SHROOM4: variants seen among roughly 807,000 people sequenced by gnomAD.
SHROOM4 encodes protein Shroom4.
Under a neutral mutation model 80.3 loss-of-function variants are expected in SHROOM4, and 17 were observed. The ratio of observed to expected loss-of-function variants is 0.21; its 90% CI spans 0.14 to 0.32. The LOEUF (loss-of-function observed/expected upper bound fraction) is 0.32. Among genes scored for constraint, SHROOM4 ranks in the 10% least tolerant of loss-of-function variants. SHROOM4 has a pLI of 1.00. For synonymous variants in SHROOM4, 400 were observed against 437.5 expected, an observed-to-expected ratio of 0.91 and a Z score of 1.07; for missense variants, 993 against 1,140.3, an observed-to-expected ratio of 0.87 and a Z score of 1.86.
At chrX:50,794,996 TAAC>T (rs1170617824) in intron 1 of SHROOM4, among the ~76,000 whole-genome samples, 1 of 92,571 alleles carries the variant, frequency 1.1e-5, no homozygotes, top group African/African-American at 4.1e-5. Flanking sequence ...ATATGTTGGA[TAAC>T]AACATCTTTA....
intron 2 of SHROOM4, among the ~76,000 whole-genome samples, chrX:50,690,702 C>T (rs899400943): frequency 8.9e-6 from 1 of 112,754 alleles, no homozygotes; most frequent in Non-Finnish European, 1.9e-5. Flanking sequence ...CTTGGTGGCT[C>T]ATGCCTGTAA....
chrX:50,577,194 T>G, the SHROOM4 span, among the ~76,000 whole-genome samples: 13 of 112,813 alleles, frequency 1.2e-4, no homozygotes, highest in African/African-American at 4.2e-4. Flanking sequence ...ATATTTTCAC[T>G]GGACATAGAG....
At chrX:50,652,551 G>C (rs1299544670) in intron 2 of SHROOM4, among the ~76,000 whole-genome samples, 1 of 111,293 alleles carries the variant, frequency 9.0e-6, no homozygotes, top group Non-Finnish European at 1.9e-5. Flanking sequence ...AGTTTCTTTT[G>C]CTGTGCAGAA....
chrX:50,751,123 T>A (rs1322562683), intron 1 of SHROOM4, among the ~76,000 whole-genome samples: 1 of 112,110 alleles, frequency 8.9e-6, no homozygotes, highest in Non-Finnish European at 1.9e-5. Flanking sequence ...GTTAGGACAG[T>A]TAGTTTTGTC....
chrX:50,663,748 T>C (rs1004435974), intron 2 of SHROOM4, among the ~76,000 whole-genome samples: 1 of 111,246 alleles, frequency 9.0e-6, no homozygotes, highest in African/African-American at 3.3e-5. Flanking sequence ...TTTGCAAGCA[T>C]AGTGTTATGT....
In SHROOM4 at chrX:50,598,797, A is replaced by G. The variant is rs1306068686; in HGVS notation, c.3943-262T>C. Among the ~76,000 whole-genome samples the G allele has an allele frequency of 4.5e-5, 5 of 111,023 alleles. No individual in the cohort carries two copies. In the Admixed American group the frequency reaches 4.8e-4, roughly 11 times the overall value. On this transcript the variant is annotated intron_variant, in intron 7 of 8. Transcript: ENST00000376020. The stretch of plus-strand genomic sequence containing the variant: ...GGTATCCATGCACTAAACTTCATTT[A>G]CCAGATGCAACTTAATAAATACTTG...
intron 1 of SHROOM4, among the ~76,000 whole-genome samples, chrX:50,714,068 A>C (rs782521479): frequency 8.0e-5 from 9 of 111,970 alleles, no homozygotes; most frequent in African/African-American, 2.6e-4. Flanking sequence ...TTTATTGAAA[A>C]GGGTGTCCTT....
intron 3 of SHROOM4, among the ~76,000 whole-genome samples, chrX:50,637,114 G>A (rs1490221640): frequency 4.0e-4 from 45 of 111,774 alleles, no homozygotes; most frequent in African/African-American, 1.4e-3. Context: ...GAAGGGCTAG[G>A]ATCAGATGCA....
At chrX:50,727,592 G>A (rs1934269630) in intron 1 of SHROOM4, among the ~76,000 whole-genome samples, 1 of 111,782 alleles carries the variant, frequency 8.9e-6, no homozygotes, top group Admixed American at 9.5e-5. Flanking sequence ...GTTTTAAAGT[G>A]TAGCACTTCC....
intron 1 of SHROOM4, among the ~76,000 whole-genome samples, chrX:50,763,850 C>A (rs57387606): frequency 0.059 from 6,555 of 110,879 alleles, 511 homozygotes; most frequent in African/African-American, 0.21. Flanking sequence ...TGAGTCAATG[C>A]AGTGTAGCAC....
At chrX:50,759,926 G>C (rs547749869) in intron 1 of SHROOM4, among the ~76,000 whole-genome samples, 1 of 111,745 alleles carries the variant, frequency 8.9e-6, no homozygotes, top group Middle Eastern at 4.6e-3. Flanking sequence ...CAAATTTACT[G>C]CATATGATTT....
chrX:50,651,850 G>C (rs1557258875), intron 2 of SHROOM4, among the ~76,000 whole-genome samples: 1 of 109,935 alleles, frequency 9.1e-6, no homozygotes, highest in African/African-American at 3.3e-5. Context: ...TTCTGTTCCT[G>C]TGTTAGTTTA....
chrX:50,729,721 A>C (rs1557266155), intron 1 of SHROOM4, among the ~76,000 whole-genome samples: 1 of 111,662 alleles, frequency 9.0e-6, no homozygotes. Flanking sequence ...AAGATAAAGA[A>C]AAAATCTTGA....
At chrX:50,647,343 T>C (rs1264626494) in intron 2 of SHROOM4, among the ~76,000 whole-genome samples, 2 of 111,328 alleles carry the variant, frequency 1.8e-5, no homozygotes, top group Non-Finnish European at 3.8e-5. Context: ...AGAGTTTTTT[T>C]CCCTCTCCCT....
intron 1 of SHROOM4, among the ~76,000 whole-genome samples, chrX:50,698,524 C>T (rs7053268): frequency 0.061 from 6,791 of 111,253 alleles, 549 homozygotes; most frequent in African/African-American, 0.21. Context: ...GGTTGAAGAT[C>T]CCTTCAACTA....
chrX:50,793,140 T>C (rs1179227008), intron 1 of SHROOM4, among the ~76,000 whole-genome samples: 2 of 109,863 alleles, frequency 1.8e-5, no homozygotes, highest in Non-Finnish European at 3.8e-5. Context: ...TGCAACAACA[T>C]AGATAAGTCT....
At chrX:50,797,731 A>T (rs782003962) in intron 1 of SHROOM4, among the ~76,000 whole-genome samples, 2 of 111,945 alleles carry the variant, frequency 1.8e-5, no homozygotes, top group East Asian at 5.6e-4. Flanking sequence ...GGAAGACCTC[A>T]TTGGAAGCCA....
At chrX:50,616,764 T>C (rs2147253279) in intron 5 of SHROOM4, among the ~76,000 whole-genome samples, 2 of 111,792 alleles carry the variant, frequency 1.8e-5, no homozygotes, top group East Asian at 5.6e-4. Flanking sequence ...GACCATATCA[T>C]GGAAACAAAG....
At position 50,602,637 on chromosome X, in the gene SHROOM4, T is replaced by A. The variant is rs536979691; in HGVS notation, c.3938A>T (p.Lys1313Ile). 2 of 1,211,260 alleles carry A rather than the reference T, an allele frequency of 1.7e-6. No homozygotes were observed. The highest frequency in any genetic ancestry group is 1.8e-5 in the South Asian group (1 of 56,951). The change falls in exon 7 of 9, where the codon AAA becomes ATA. Residue 1313 changes from lysine (K) to isoleucine (I), a missense_variant. Transcript: ENST00000376020. ...GGACACATCAAAAAACTTTACCTTT[T>A]TTTGAGCCAGTTCATGGTCAACTTC... Reference protein sequence around the residue: ...EEEVDHELAQKKIQLIESISR... With the variant: ...EEEVDHELAQIKIQLIESISR...
Sources: allele counts gnomAD v4.1 joint callset (sites outside exome capture counted in the v4.1 genomes callset), GRCh38; gene constraint gnomAD v4.1.1; transcripts MANE v1.5; gene names NCBI Gene and HGNC (gene_info 2026-07-23, HGNC 2026-07-21).